The following ROBO2 variants were observed in gnomAD, a reference collection of about 807,000 sequenced individuals.
ROBO2 encodes roundabout guidance receptor 2.
Under a neutral mutation model 160.8 loss-of-function variants are expected in ROBO2, and 53 were observed. That is an observed-to-expected ratio of 0.33 (90% confidence interval 0.26 to 0.41). ROBO2 has a LOEUF of 0.41. ROBO2 is among the 10% of genes least tolerant of loss of function. The probability of loss-of-function intolerance (pLI) is 1.00; values close to 1 mark genes in which losing one functional copy is unlikely to be tolerated. For synonymous variants in ROBO2, 664 were observed against 611.7 expected, an observed-to-expected ratio of 1.09 and a Z score of -1.26; for missense variants, 1,577 against 1,722.4, an observed-to-expected ratio of 0.92 and a Z score of 1.49.
chr3:77,523,331 A>T (rs1178226735), intron 6 of ROBO2, among the ~76,000 whole-genome samples: 1 of 151,392 alleles, frequency 6.6e-6, no homozygotes, highest in African/African-American at 2.4e-5. Flanking sequence ...TAATGTCAGC[A>T]TTCAAAACAG....
At chr3:77,033,167 T>A (rs1368503280) in intron 2 of ROBO2, among the ~76,000 whole-genome samples, 1 of 152,208 alleles carries the variant, frequency 6.6e-6, no homozygotes, top group Non-Finnish European at 1.5e-5. Flanking sequence ...AGAATGCAGA[T>A]AGGTACTCAA....
At chr3:76,127,824 C>G (rs916531471) in intron 2 of ROBO2, among the ~76,000 whole-genome samples, 2 of 151,374 alleles carry the variant, frequency 1.3e-5, no homozygotes, top group African/African-American at 4.9e-5. Flanking sequence ...AAGCAAAATG[C>G]CTGAATACTT....
chr3:77,503,199 C>CA (rs1561014878), intron 5 of ROBO2, among the ~76,000 whole-genome samples: 1 of 151,464 alleles, frequency 6.6e-6, no homozygotes, highest in East Asian at 1.9e-4. Context: ...TATGTACCCA[C>CA]AAAAAATTTT....
At position 77,254,819 on chromosome 3, in the gene ROBO2, A is replaced by G. The variant is rs187492909; in HGVS notation, c.388+156479A>G. On this transcript the variant is annotated intron_variant, in intron 2 of 25. Coordinates refer to ENST00000461745, the Ensembl canonical transcript of ROBO2. ...TTGACATAAGGGGAAACTGAGAGTC[A>G]AAGGGGTTAAGTGTCTTGCTCCGAG... Among the ~76,000 whole-genome samples, 391 of 152,274 alleles carry G rather than the reference A, an allele frequency of 2.6e-3. 1 individual carries two copies. The highest frequency in any genetic ancestry group is 3.3e-3 in the Non-Finnish European group (224 of 68,022).
chr3:76,403,629 C>T (rs2077975220), intron 2 of ROBO2, among the ~76,000 whole-genome samples: 1 of 151,458 alleles, frequency 6.6e-6, no homozygotes, highest in Non-Finnish European at 1.5e-5. Context: ...CACTTCTGTA[C>T]AAGGTATGGT....
At chr3:76,541,943 A>G (rs1193858951) in intron 2 of ROBO2, among the ~76,000 whole-genome samples, 1 of 152,122 alleles carries the variant, frequency 6.6e-6, no homozygotes, top group Non-Finnish European at 1.5e-5. Flanking sequence ...AATAAAGACT[A>G]CAAGACATGA....
At chr3:77,262,016 ACT>A (rs138441564) in intron 2 of ROBO2, among the ~76,000 whole-genome samples, 3,203 of 152,010 alleles carry the variant, frequency 0.021, 50 homozygotes, top group Middle Eastern at 0.041. Flanking sequence ...GTATTCTCAA[ACT>A]CTCTGAAAAA....
intron 2 of ROBO2, among the ~76,000 whole-genome samples, chr3:75,957,968 AG>A (rs1948779395): frequency 6.6e-6 from 1 of 151,718 alleles, no homozygotes; most frequent in South Asian, 2.1e-4. Context: ...CATTTAGAAG[AG>A]GACTTCCTGT....
chr3:75,982,279 G>A (rs556104431), intron 2 of ROBO2, among the ~76,000 whole-genome samples: 121 of 150,932 alleles, frequency 8.0e-4, no homozygotes, highest in African/African-American at 2.9e-3. Flanking sequence ...TTTCTCTTTG[G>A]TATATACTTA....
intron 7 of ROBO2, among the ~76,000 whole-genome samples, chr3:77,549,775 G>A (rs1287576621): frequency 6.6e-6 from 1 of 151,944 alleles, no homozygotes; most frequent in Non-Finnish European, 1.5e-5. Context: ...ATTTTAAGGT[G>A]AAAATGTGTC....
At chr3:77,358,866 A>T (rs2069511153) in intron 2 of ROBO2, among the ~76,000 whole-genome samples, 1 of 152,232 alleles carries the variant, frequency 6.6e-6, no homozygotes. Flanking sequence ...TGTTGAATAA[A>T]TGACCTTTTG....
intron 2 of ROBO2, among the ~76,000 whole-genome samples, chr3:76,774,955 A>T (rs953483801): frequency 1.9e-4 from 28 of 150,608 alleles, no homozygotes; most frequent in African/African-American, 6.3e-4. Flanking sequence ...CATCTGAAGG[A>T]GTTTTGGGAT....
At chr3:76,345,649 G>T (rs556255292) in intron 2 of ROBO2, among the ~76,000 whole-genome samples, 3 of 151,856 alleles carry the variant, frequency 2.0e-5, no homozygotes, top group Non-Finnish European at 4.4e-5. Flanking sequence ...TTTTGTAGGA[G>T]AAATGAATTT....
chr3:77,394,365 A>G (rs1174968434), intron 2 of ROBO2, among the ~76,000 whole-genome samples: 2 of 152,158 alleles, frequency 1.3e-5, no homozygotes, highest in Non-Finnish European at 2.9e-5. Context: ...AGTGAAAAGA[A>G]AACTCTCAGT....
chr3:77,005,706 T>A (rs1470206757), intron 2 of ROBO2, among the ~76,000 whole-genome samples: 1 of 152,154 alleles, frequency 6.6e-6, no homozygotes, highest in Non-Finnish European at 1.5e-5. Context: ...GATTCCACCA[T>A]GGTAGTGGAT....
intron 2 of ROBO2, among the ~76,000 whole-genome samples, chr3:76,771,410 G>A (rs1341248657): frequency 6.6e-6 from 1 of 151,192 alleles, no homozygotes; most frequent in Non-Finnish European, 1.5e-5. Context: ...ATTTTGAACA[G>A]CACCACTATA....
chr3:76,950,735 G>A (rs1266842518), intron 2 of ROBO2, among the ~76,000 whole-genome samples: 1 of 151,952 alleles, frequency 6.6e-6, no homozygotes, highest in Non-Finnish European at 1.5e-5. Flanking sequence ...TTGCTTGTTT[G>A]TTTGTTTTTG....
At chr3:76,762,126 G>A (rs547470157) in intron 2 of ROBO2, among the ~76,000 whole-genome samples, 5 of 151,466 alleles carry the variant, frequency 3.3e-5, no homozygotes, top group African/African-American at 1.2e-4. Context: ...ATTCATTCAG[G>A]CATTTAAAAA....
chr3:76,032,610 AT>A (rs1294521790), intron 2 of ROBO2, among the ~76,000 whole-genome samples: 3 of 151,706 alleles, frequency 2.0e-5, no homozygotes, highest in Admixed American at 6.6e-5. Context: ...TCATTTTGTT[AT>A]TTTTCCAGTA....
Sources: gnomAD v4.1 joint callset for allele counts (sites outside exome capture counted in the v4.1 genomes callset) on GRCh38, gnomAD v4.1.1 for gene constraint, MANE v1.5 for transcripts, NCBI Gene and HGNC (gene_info 2026-07-23, HGNC 2026-07-21) for gene names.